The following MARCHF1 variants were observed in gnomAD, a reference collection of about 807,000 sequenced individuals.
MARCHF1 encodes the protein membrane associated ring-CH-type finger 1.
Under a neutral mutation model 54.2 loss-of-function variants are expected in MARCHF1, and 40 were observed. That is an observed-to-expected ratio of 0.74 (90% confidence interval 0.57 to 0.96). The LOEUF is 0.96. Among genes scored for constraint, MARCHF1 ranks in the 40% least tolerant of loss-of-function variants. MARCHF1 has a pLI of 0.00. For synonymous variants in MARCHF1, 236 were observed against 236.3 expected, an observed-to-expected ratio of 1.00 and a Z score of 0.01; for missense variants, 586 against 656.5, an observed-to-expected ratio of 0.89 and a Z score of 1.17.
Position 163,929,200 on chromosome 4 carries a change from A to G in MARCHF1, c.-39+59301T>C, listed in dbSNP as rs956180318. Among the ~76,000 whole-genome samples, 3 of 152,136 alleles carry G rather than the reference A, an allele frequency of 2.0e-5. No individual in the cohort carries two copies. In the East Asian group the frequency reaches 5.8e-4, roughly 29 times the overall value. Reference sequence around the variant, plus strand: ...TTAAAATTATGGTAGAGAAGTTATGAAATTAGACAACTAGGTACATTTCTT... The same window carrying G: ...TTAAAATTATGGTAGAGAAGTTATGGAATTAGACAACTAGGTACATTTCTT... On this transcript the variant is annotated intron_variant, in intron 3 of 9. Transcript: ENST00000514618.
chr4:163,992,216 A>G (rs1033430580), intron 2 of MARCHF1, among the ~76,000 whole-genome samples: 2 of 152,170 alleles, frequency 1.3e-5, no homozygotes, highest in Non-Finnish European at 1.5e-5. Flanking sequence ...AATTCGATAA[A>G]CATTTGTTAA....
chr4:163,743,831 G>T (rs181262433), intron 4 of MARCHF1, among the ~76,000 whole-genome samples: 317 of 152,224 alleles, frequency 2.1e-3, no homozygotes, highest in Non-Finnish European at 3.6e-3. Context: ...TAAATAATTT[G>T]CTGAAATTAG....
chr4:164,141,951 T>TCAGTGGGTGGGCGCAGGC (rs1756549444), intron 1 of MARCHF1, among the ~76,000 whole-genome samples: 1 of 151,830 alleles, frequency 6.6e-6, no homozygotes, highest in African/African-American at 2.4e-5. Flanking sequence ...TGGGCGCAGG[T>TCAGTGGGTGGGCGCAGGC]CAGTGGGTGG....
At chr4:163,850,850 T>C (rs986930249) in intron 4 of MARCHF1, among the ~76,000 whole-genome samples, 1 of 152,160 alleles carries the variant, frequency 6.6e-6, no homozygotes, top group Non-Finnish European at 1.5e-5. Flanking sequence ...AAGAGAAACA[T>C]TGAGCGGCTA....
chr4:163,803,532 C>T (rs954054564), intron 4 of MARCHF1, among the ~76,000 whole-genome samples: 1 of 149,998 alleles, frequency 6.7e-6, no homozygotes, highest in East Asian at 1.9e-4. Flanking sequence ...TGTCTTTAAA[C>T]TTTGCATTTT....
At chr4:164,334,352 T>G (rs995500882) in intron 1 of MARCHF1, among the ~76,000 whole-genome samples, 2 of 152,196 alleles carry the variant, frequency 1.3e-5, no homozygotes, top group Non-Finnish European at 2.9e-5. Flanking sequence ...TTTGACATTA[T>G]GTGGAAGCGA....
intron 4 of MARCHF1, among the ~76,000 whole-genome samples, chr4:163,707,064 T>C (rs1384995583): frequency 6.6e-6 from 1 of 152,078 alleles, no homozygotes; most frequent in Non-Finnish European, 1.5e-5. Context: ...AAGCCAGACT[T>C]CTATCACTTA....
At chr4:163,531,106 A>T (rs1479203866) in intron 9 of MARCHF1, among the ~76,000 whole-genome samples, 1 of 151,898 alleles carries the variant, frequency 6.6e-6, no homozygotes, top group Non-Finnish European at 1.5e-5. Context: ...CAGAAAATAG[A>T]AGAGATAATA....
At chr4:163,574,753 C>G (rs1454994853) in intron 8 of MARCHF1, among the ~76,000 whole-genome samples, 1 of 151,980 alleles carries the variant, frequency 6.6e-6, no homozygotes, top group Non-Finnish European at 1.5e-5. Flanking sequence ...TAGTGTGATG[C>G]CTCCAGCTTC....
chr4:164,273,094 AT>A (rs1414658022), intron 1 of MARCHF1, among the ~76,000 whole-genome samples: 1 of 151,214 alleles, frequency 6.6e-6, no homozygotes, highest in Non-Finnish European at 1.5e-5. Flanking sequence ...TAGTAGGTGT[AT>A]TTGTCTGTTT....
chr4:163,934,615 C>T (rs1751755728), intron 3 of MARCHF1, among the ~76,000 whole-genome samples: 1 of 141,750 alleles, frequency 7.1e-6, no homozygotes, highest in Non-Finnish European at 1.5e-5. Context: ...AGCAACTCCA[C>T]ATCTGTTCAA....
intron 2 of MARCHF1, among the ~76,000 whole-genome samples, chr4:164,057,785 A>G (rs2111059913): frequency 6.6e-6 from 1 of 152,328 alleles, no homozygotes; most frequent in Non-Finnish European, 1.5e-5. Context: ...CTATCTTAAT[A>G]AGGCACCATA....
chr4:163,901,130 G>C (rs1750932597), intron 3 of MARCHF1, among the ~76,000 whole-genome samples: 1 of 152,154 alleles, frequency 6.6e-6, no homozygotes, highest in African/African-American at 2.4e-5. Context: ...GTAGTAAAGA[G>C]ACAATCTGGG....
chr4:163,830,532 C>T (rs1421230111), intron 4 of MARCHF1, among the ~76,000 whole-genome samples: 1 of 152,076 alleles, frequency 6.6e-6, no homozygotes, highest in Non-Finnish European at 1.5e-5. Context: ...CTCTATTCCT[C>T]CCTCCTTCCA....
chr4:163,889,919 C>CTTTTTTTTTTTTTTTT (rs146357456), intron 3 of MARCHF1, among the ~76,000 whole-genome samples: 13 of 117,236 alleles, frequency 1.1e-4, no homozygotes, highest in Non-Finnish European at 1.7e-4. Flanking sequence ...TATTTATTTT[C>CTTTTTTTTTTTTTTTT]TTTTTTCTTT....
intron 1 of MARCHF1, among the ~76,000 whole-genome samples, chr4:164,317,726 A>T (rs898426942): frequency 6.6e-6 from 1 of 152,262 alleles, no homozygotes; most frequent in Non-Finnish European, 1.5e-5. Context: ...AAATCAAAGA[A>T]TAGAATAGAG....
intron 5 of MARCHF1, among the ~76,000 whole-genome samples, chr4:163,648,950 G>C (rs1340537778): frequency 1.3e-5 from 2 of 151,600 alleles, no homozygotes; most frequent in African/African-American, 2.4e-5. Flanking sequence ...GGAGCAAGGA[G>C]TTCACTGCAA....
At chr4:163,874,774 T>C (rs907891695) in intron 3 of MARCHF1, among the ~76,000 whole-genome samples, 1 of 152,190 alleles carries the variant, frequency 6.6e-6, no homozygotes, top group African/African-American at 2.4e-5. Flanking sequence ...GCTTAGTTTG[T>C]AAAAGTTTAT....
chr4:163,548,901 T>A (rs1258335127), intron 8 of MARCHF1, among the ~76,000 whole-genome samples: 1 of 152,390 alleles, frequency 6.6e-6, no homozygotes, highest in East Asian at 1.9e-4. Flanking sequence ...ATATTCATGA[T>A]GCTGAAATTC....
Sources: allele counts gnomAD v4.1 joint callset (sites outside exome capture counted in the v4.1 genomes callset), GRCh38; gene constraint gnomAD v4.1.1; transcripts MANE v1.5; gene names NCBI Gene and HGNC (gene_info 2026-07-23, HGNC 2026-07-21).